RRN3: variants seen among roughly 807,000 people sequenced by gnomAD.
RRN3 encodes the protein RNA polymerase I-specific transcription initiation factor RRN3.
Under a neutral mutation model 82.3 loss-of-function variants are expected in RRN3, and 38 were observed. The ratio of observed to expected loss-of-function variants is 0.46; its 90% CI spans 0.36 to 0.61. RRN3 has a LOEUF of 0.61. RRN3 is among the 20% of genes least tolerant of loss of function. The pLI, the probability that RRN3 is intolerant of heterozygous loss-of-function variation, is 0.00. For missense variants in RRN3, 726 were observed against 793.1 expected (o/e 0.92, Z 1.02); for synonymous variants, 284 against 284.3 (o/e 1.00, Z 0.01).
chr16:15,084,178 T>A (rs1223281501), intron 7 of RRN3, among the ~76,000 whole-genome samples: 1 of 152,222 alleles, frequency 6.6e-6, no homozygotes, highest in Admixed American at 6.5e-5. Context: ...ACATGTATAT[T>A]ATTTTTAAAA....
intron 2 of RRN3, among the ~76,000 whole-genome samples, chr16:15,091,731 T>C (rs2046137157): frequency 6.6e-6 from 1 of 152,212 alleles, no homozygotes; most frequent in Non-Finnish European, 1.5e-5. Flanking sequence ...TGGATACAAA[T>C]GGATATTACA....
chr16:15,077,979 G>A (rs1233486472), intron 9 of RRN3, among the ~76,000 whole-genome samples: 1 of 152,298 alleles, frequency 6.6e-6, no homozygotes, highest in Non-Finnish European at 1.5e-5. Context: ...TCAATCAACT[G>A]AGCAGAAAAA....
intron 3 of RRN3, among the ~76,000 whole-genome samples, chr16:15,090,944 G>GGTA: frequency 6.6e-6 from 1 of 151,380 alleles, no homozygotes; most frequent in East Asian, 1.9e-4. Context: ...GGAGGAAAGA[G>GGTA]GTAGTAATCT....
At chr16:15,072,617 A>C (rs984874068) in intron 12 of RRN3, among the ~76,000 whole-genome samples, 2 of 152,148 alleles carry the variant, frequency 1.3e-5, no homozygotes, top group African/African-American at 4.8e-5. Flanking sequence ...AGTATGGCCA[A>C]CGTGGCGAAA....
At chr16:15,088,037 A>C (rs1490153596) in intron 3 of RRN3, among the ~76,000 whole-genome samples, 1 of 152,048 alleles carries the variant, frequency 6.6e-6, no homozygotes. Context: ...TTGCTTAAAA[A>C]ACTCGGAGGC....
chr16:15,094,218 G>C lies in RRN3; in HGVS notation c.16C>G (p.Leu6Val). 1 of 1,593,930 alleles carries C rather than the reference G, an allele frequency of 6.3e-7. No individual in the cohort carries two copies. Among genetic ancestry groups the C allele is most frequent in the Non-Finnish European group, 8.5e-7 (1 of 1,170,942 alleles). Residue 6 changes from leucine (L) to valine (V), a missense_variant, in exon 1 of 18, where the codon CTT becomes GTT. Around this residue, in one of 4 missense-constraint regions of RRN3, gnomAD observed 135 missense variants for 87.4 expected, o/e 1.55. Coordinates refer to ENST00000198767, the MANE Select transcript of RRN3 (RefSeq NM_018427.5). MAAPL[L>V]HTRLPGDAAA... The stretch of plus-strand genomic sequence containing the variant: ...GCATCTCCCGGCAAACGCGTGTGAA[G>C]CAGCGGTGCCGCCATTGGGCCGAAC...
intron 12 of RRN3, among the ~76,000 whole-genome samples, chr16:15,071,471 T>G (rs2045225492): frequency 1.3e-5 from 2 of 152,114 alleles, no homozygotes; most frequent in Admixed American, 6.5e-5. Context: ...TAGCTAAGCA[T>G]CACAATCAAC....
chr16:15,077,530 G>A (rs1168300871), intron 9 of RRN3, among the ~76,000 whole-genome samples: 1 of 152,066 alleles, frequency 6.6e-6, no homozygotes, highest in African/African-American at 2.4e-5. Flanking sequence ...CAGCCATGTG[G>A]AACTGTAAGT....
chr16:15,089,417 A>C lies in RRN3; in HGVS notation c.252+1898T>G, dbSNP rs1483448974. 2.0e-5 allele frequency among the ~76,000 whole-genome samples: 3 copies of C among 152,182 alleles called. No homozygotes were observed. The East Asian group carries it at 5.8e-4, about 29-fold the overall frequency. ...GAAGGGAGATGAGGAGATCACACAG[A>C]AGAATCAACAGAGTGAGAAAAGAGT... On this transcript the variant is annotated intron_variant, in intron 3 of 17. Coordinates refer to ENST00000198767, the MANE Select transcript of RRN3 (RefSeq NM_018427.5).
At chr16:15,083,406 A>G in intron 8 of RRN3, 107 bp downstream of exon 8, 1 of 1,519,976 alleles carries the variant, frequency 6.6e-7, no homozygotes, top group East Asian at 2.3e-5. Flanking sequence ...CTCAAAAAAG[A>G]AAAAGAAAAA....
chr16:15,067,522 A>G (rs1264357381), intron 15 of RRN3, among the ~76,000 whole-genome samples: 2 of 139,362 alleles, frequency 1.4e-5, no homozygotes, highest in Non-Finnish European at 3.2e-5. Context: ...GACCTGAGAG[A>G]ACAGAACTCT....
chr16:15,073,040 G>A lies in RRN3; in HGVS notation c.1038C>T (p.Asp346=), dbSNP rs753503870. The A allele has an allele frequency of 3.1e-6, 5 of 1,612,956 alleles. No individual in the cohort carries two copies. The East Asian group carries it at 6.7e-5, about 22-fold the overall frequency. ...DNGKTKDLYR[D]LINIFDKLLL... Reference sequence around the variant, plus strand: ...GGAGTTTGTCAAAGATGTTTATCAGGTCGCGATATAGATCCTTTGTTTTGC... The same window carrying A: ...GGAGTTTGTCAAAGATGTTTATCAGATCGCGATATAGATCCTTTGTTTTGC... The change falls in exon 12 of 18, where the codon GAC becomes GAT. Residue 346 remains aspartate (D), a synonymous_variant. Transcript: ENST00000198767.
chr16:15,061,758 G>T lies in RRN3; in HGVS notation c.1942C>A (p.Pro648Thr), dbSNP rs1455382747. ...AATTTCTGCCGTCAGAGGGGACTGG[G>T]TTGCATGTACAACACGGGTGGGGAG... ...VGSPPVLYMQ[P>T]SPL Residue 648 changes from proline (P) to threonine (T), a missense_variant, in exon 18 of 18, where the codon CCC becomes ACC. By Grantham distance (38) the Pro-to-Thr change is conservative. Coordinates refer to ENST00000198767, the MANE Select transcript of RRN3 (RefSeq NM_018427.5). 1 of 1,613,000 alleles carries T rather than the reference G, an allele frequency of 6.2e-7. No individual in the cohort carries two copies. Among genetic ancestry groups the T allele is most frequent in the African/African-American group, 1.3e-5 (1 of 75,056 alleles).
At chr16:15,072,039 T>A (rs2045254365) in intron 12 of RRN3, among the ~76,000 whole-genome samples, 1 of 152,114 alleles carries the variant, frequency 6.6e-6, no homozygotes, top group African/African-American at 2.4e-5. Flanking sequence ...GAGTTAATTA[T>A]GCCAATCATG....
chr16:15,077,779 T>A (rs1026422265), intron 9 of RRN3, among the ~76,000 whole-genome samples: 1 of 152,156 alleles, frequency 6.6e-6, no homozygotes, highest in Non-Finnish European at 1.5e-5. Context: ...AGGTGGAGGT[T>A]GCAGTGAGCC....
In RRN3 at chr16:15,091,383, G is replaced by A. The variant is rs1455249254; in HGVS notation, c.196-12C>T. On this transcript the variant is annotated splice_polypyrimidine_tract_variant and intron_variant, in intron 2 of 17. Transcript: ENST00000198767. ...TCATTTGTTTCACCCTTAACAAGAA[G>A]GGGAAAGAATTAAGTTATGCTTTTG... 6.4e-7 allele frequency: 1 copy of A among 1,570,988 alleles called. No individual in the cohort carries two copies.
At chr16:15,063,012 TA>T (rs1337195520) in intron 17 of RRN3, among the ~76,000 whole-genome samples, 183 bp downstream of exon 17, 3 of 152,260 alleles carry the variant, frequency 2.0e-5, no homozygotes, top group African/African-American at 7.2e-5. Flanking sequence ...CCCAGCTAAT[TA>T]AAAAAATTTT....
At chr16:15,063,166 G>C (rs376667625) in intron 17 of RRN3, 30 bp downstream of exon 17, 21 of 1,435,366 alleles carry the variant, frequency 1.5e-5, no homozygotes, top group South Asian at 2.3e-5. Flanking sequence ...AGGAGATTCC[G>C]AGAGTGTGCT....
intron 5 of RRN3, 58 bp downstream of exon 5, chr16:15,086,071 G>A (rs2045905415): frequency 2.0e-6 from 3 of 1,498,992 alleles, no homozygotes; most frequent in Non-Finnish European, 2.7e-6. Flanking sequence ...ATAAGGGGAA[G>A]GTAGTATTTT....
Sources: allele counts gnomAD v4.1 joint callset (sites outside exome capture counted in the v4.1 genomes callset), GRCh38; gene constraint gnomAD v4.1.1; regional missense constraint gnomAD v4.1.1; transcripts MANE v1.5; gene names NCBI Gene and HGNC (gene_info 2026-07-23, HGNC 2026-07-21).